Variants in FHIP2A observed in about 807,000 individuals in gnomAD.
FHIP2A encodes family with sequence similarity 160 member B1.
In FHIP2A, 46 loss-of-function variants were observed where a neutral mutation model predicts 93.5. That is an observed-to-expected ratio of 0.49 (90% CI 0.39 to 0.63). The LOEUF (loss-of-function observed/expected upper bound fraction) is 0.63. FHIP2A is among the 20% of genes least tolerant of loss of function. The pLI, the probability that FHIP2A is intolerant of heterozygous loss-of-function variation, is 0.00. For synonymous variants in FHIP2A, 332 were observed against 326.5 expected (o/e 1.02, Z -0.18); for missense variants, 769 against 909.7 (o/e 0.85, Z 1.99).
In FHIP2A at chr10:114,861,716, ATGT is replaced by A. The variant is rs1423058964; in HGVS notation, c.*181_*183del. 5 of 1,387,164 alleles carry A rather than the reference ATGT, an allele frequency of 3.6e-6. No homozygotes were observed. The highest frequency in any genetic ancestry group is 2.7e-5 in the East Asian group (1 of 36,644). 85.9% of individuals were successfully genotyped at this position (1,387,164 alleles called of 1,614,324 possible). On this transcript the variant is annotated 3_prime_UTR_variant, in exon 17 of 17. Transcript: ENST00000369248. ...GACATTCTTGGTGAAATGTTGTATA[ATGT>A]TGTTTTCATTGGCTTTATCATAATG...
At position 114,862,877 on chromosome 10, in the gene FHIP2A, G is replaced by C; in HGVS notation, c.*1337G>C. 1 of 985,416 alleles carries C rather than the reference G, an allele frequency of 1.0e-6. No individual in the cohort carries two copies. Among genetic ancestry groups the C allele is most frequent in the Non-Finnish European group, 1.2e-6 (1 of 829,934 alleles). 61.0% of individuals were successfully genotyped at this position (985,416 alleles called of 1,614,324 possible). ...CAAAGGTTCCGGCTTGAAGGGAACT[G>C]TCACTACCCCCTCTAGGAAGTTATT... On this transcript the variant is annotated 3_prime_UTR_variant, in exon 17 of 17. Coordinates refer to ENST00000369248, the MANE Select transcript of FHIP2A (RefSeq NM_020940.4).
exon 17 of FHIP2A, chr10:114,899,614 A>G: frequency 1.4e-6 from 1 of 699,420 alleles, no homozygotes; most frequent in Non-Finnish European, 2.7e-6. Context: ...TCAACTGCCC[A>G]CCCTTGAACC....
At chr10:114,834,744 A>G (rs1355735535) in intron 3 of FHIP2A, among the ~76,000 whole-genome samples, 1 of 152,194 alleles carries the variant, frequency 6.6e-6, no homozygotes. Context: ...TATTATAATC[A>G]TAATGTAAAT....
At chr10:114,843,660 A>C in intron 6 of FHIP2A, 81 bp from the exon 7 acceptor site, 1 of 1,094,844 alleles carries the variant, frequency 9.1e-7, no homozygotes, top group East Asian at 2.8e-5. Flanking sequence ...TGAAACATTA[A>C]ATCCTTTTAT....
At chr10:114,830,512 T>C (rs2083602072) in intron 1 of FHIP2A, among the ~76,000 whole-genome samples, 1 of 152,050 alleles carries the variant, frequency 6.6e-6, no homozygotes, top group Non-Finnish European at 1.5e-5. Flanking sequence ...CCTCAAGTGA[T>C]TCACCTACCT....
chr10:114,893,527 A>G (rs1298204055), intron 16 of FHIP2A, among the ~76,000 whole-genome samples: 1 of 152,198 alleles, frequency 6.6e-6, no homozygotes, highest in Non-Finnish European at 1.5e-5. Flanking sequence ...GTTGACGTCA[A>G]TCTACTTATA....
chr10:114,899,466 T>C lies in FHIP2A; in HGVS notation c.2193-24T>C, dbSNP rs1178338330. On this transcript the variant is annotated intron_variant, in intron 16 of 16. Transcript: ENST00000369250. ...GATCAGCCGTCTTACCTTCATTTCCTGATCTTCTTTCTTTTATCCTCAGGC... is the reference window on the plus strand; with the variant it reads ...GATCAGCCGTCTTACCTTCATTTCCCGATCTTCTTTCTTTTATCCTCAGGC... The C allele has an allele frequency of 6.3e-5, 45 of 718,436 alleles. No individual in the cohort carries two copies. The Admixed American group carries it at 8.6e-4, about 14-fold the overall frequency. 44.5% of individuals were successfully genotyped at this position (718,436 alleles called of 1,614,324 possible). A position where few individuals can be genotyped will look rare whatever the true frequency, so the allele number is the denominator to read the frequency against.
At chr10:114,858,495 C>G (rs147777798) in intron 14 of FHIP2A, among the ~76,000 whole-genome samples, 1 of 151,452 alleles carries the variant, frequency 6.6e-6, no homozygotes, top group African/African-American at 2.4e-5. Context: ...CTGCAGATGG[C>G]GAAATTTAGT....
intron 16 of FHIP2A, among the ~76,000 whole-genome samples, chr10:114,894,145 CT>C: frequency 6.6e-6 from 1 of 152,108 alleles, no homozygotes; most frequent in Non-Finnish European, 1.5e-5. Flanking sequence ...ATGAGTTCTT[CT>C]TTTATGATTC....
chr10:114,845,318 C>A, intron 7 of FHIP2A, 49 bp from the exon 8 acceptor site: 1 of 1,025,952 alleles, frequency 9.7e-7, no homozygotes, highest in South Asian at 1.3e-5. Flanking sequence ...TGAATAGGGT[C>A]CATGCTTTTG....
intron 16 of FHIP2A, among the ~76,000 whole-genome samples, chr10:114,887,862 G>C (rs1317155475): frequency 6.6e-6 from 1 of 152,200 alleles, no homozygotes; most frequent in Non-Finnish European, 1.5e-5. Flanking sequence ...ATGGGAAATG[G>C]TGGCTATTCT....
intron 5 of FHIP2A, among the ~76,000 whole-genome samples, chr10:114,841,093 A>G (rs1218831829): frequency 1.3e-5 from 2 of 152,044 alleles, no homozygotes; most frequent in African/African-American, 2.4e-5. Context: ...AGGAATCTGC[A>G]TTTTTATCAA....
chr10:114,835,442 C>T (rs1210710774), intron 3 of FHIP2A, 95 bp from the exon 4 acceptor site: 3 of 683,132 alleles, frequency 4.4e-6, no homozygotes, highest in African/African-American at 1.8e-5. Flanking sequence ...GGAATACATT[C>T]ATATACATTG....
rs959843369 is a variant in FHIP2A, at chr10:114,833,345, G to A, written c.237G>A (p.Met79Ile). The stretch of plus-strand genomic sequence containing the variant: ...AATCTGGAGAGACAGGGCCATGTAT[G>A]GAATATTTGCTTCATCACAAGATCT... The part of the protein sequence containing the change: ...ERESGETGPC[M>I]EYLLHHKILE... The change falls in exon 3 of 17, where the codon ATG becomes ATA. Residue 79 changes from methionine (M) to isoleucine (I), a missense_variant. Met to Ile is a conservative substitution (Grantham distance 10). Coordinates refer to ENST00000369248, the MANE Select transcript of FHIP2A (RefSeq NM_020940.4). The A allele has an allele frequency of 3.7e-6, 6 of 1,613,850 alleles. No homozygotes were observed. Among genetic ancestry groups the A allele is most frequent in the Non-Finnish European group, 5.1e-6 (6 of 1,179,940 alleles).
At chr10:114,826,746 C>A (rs1285866104) in intron 1 of FHIP2A, among the ~76,000 whole-genome samples, 4 of 152,202 alleles carry the variant, frequency 2.6e-5, no homozygotes, top group South Asian at 2.1e-4. Flanking sequence ...GTAATGCCAG[C>A]ACTTTGGGAG....
chr10:114,830,955 TGAAAATTTGTGAAAGTTAAACA>T (rs1261212081), intron 2 of FHIP2A, 25 bp downstream of exon 2: 1 of 1,362,140 alleles, frequency 7.3e-7, no homozygotes, highest in Non-Finnish European at 1.0e-6. Flanking sequence ...TGATATTAAC[TGAAAATTTGTGAAAGTTAAACA>T]GAAAATTTGT....
At chr10:114,847,254 T>C in intron 12 of FHIP2A, 21 bp downstream of exon 12, 1 of 1,589,274 alleles carries the variant, frequency 6.3e-7, no homozygotes, top group Non-Finnish European at 8.5e-7. Context: ...ATATAAAATT[T>C]GACTTCCATC....
chr10:114,857,314 C>CTTTTTTTTTTTTTTTTT (rs78583275), intron 14 of FHIP2A, among the ~76,000 whole-genome samples: 13,519 of 117,338 alleles, frequency 0.12, 1,967 homozygotes, highest in Non-Finnish European at 0.17. Context: ...ATTTCTTCTT[C>CTTTTTTTTTTTTTTTTT]TTTTTTTTTT....
At chr10:114,889,900 G>A (rs994842324) in intron 16 of FHIP2A, among the ~76,000 whole-genome samples, 9 of 152,180 alleles carry the variant, frequency 5.9e-5, no homozygotes, top group African/African-American at 1.9e-4. Flanking sequence ...AGGGCAACTC[G>A]GGCATGTCCC....
Sources: gnomAD v4.1 joint callset for allele counts (sites outside exome capture counted in the v4.1 genomes callset) on GRCh38, gnomAD v4.1.1 for gene constraint, MANE v1.5 for transcripts, NCBI Gene and HGNC (gene_info 2026-07-23, HGNC 2026-07-21) for gene names.